Variants in USP6NL observed in about 807,000 individuals in gnomAD.
The protein encoded by USP6NL is USP6 N-terminal-like protein.
USP6NL carries 26 observed loss-of-function variants against 61.9 expected under a neutral mutation model. The observed-to-expected ratio is 0.42, with a 90% CI of 0.31 to 0.58. The LOEUF (loss-of-function observed/expected upper bound fraction) is 0.58. Among genes scored for constraint, USP6NL ranks in the 20% least tolerant of loss-of-function variants. The pLI, the probability that USP6NL is intolerant of heterozygous loss-of-function variation, is 0.16. For synonymous variants in USP6NL, 432 were observed against 390.1 expected, an observed-to-expected ratio of 1.11 and a Z score of -1.27; for missense variants, 1,114 against 1,034.3, an observed-to-expected ratio of 1.08 and a Z score of -1.06.
chr10:11,560,680 A>C (rs1343372751), intron 2 of USP6NL, among the ~76,000 whole-genome samples: 3 of 147,898 alleles, frequency 2.0e-5, no homozygotes, highest in Admixed American at 1.4e-4. Flanking sequence ...AAGAAGAAAA[A>C]AAAGGCCTCC....
chr10:11,551,948 C>A (rs1261456125), intron 2 of USP6NL, among the ~76,000 whole-genome samples: 4 of 152,164 alleles, frequency 2.6e-5, no homozygotes. Flanking sequence ...GGTTAGGTTA[C>A]AACTAAATTT....
rs537982405 is a variant in USP6NL, at chr10:11,482,485, C to A, written c.926-563G>T. Among the ~76,000 whole-genome samples the A allele has an allele frequency of 2.6e-5, 4 of 152,216 alleles. No homozygotes were observed. The highest frequency in any genetic ancestry group is 9.6e-5 in the African/African-American group (4 of 41,550). On this transcript the variant is annotated intron_variant, in intron 13 of 14. Coordinates refer to ENST00000609104, the MANE Select transcript of USP6NL (RefSeq NM_014688.5). The surrounding 1 kb of genome is among the most constrained non-coding windows in gnomAD (Gnocchi z 4.0). Reference sequence around the variant, plus strand: ...TTACATAATACCCTACATAATACACCTCATTACATAACACCCTACAGGTAG... The same window carrying A: ...TTACATAATACCCTACATAATACACATCATTACATAACACCCTACAGGTAG...
chr10:11,462,511 C>A lies in USP6NL; in HGVS notation c.2417G>T (p.Gly806Val). 6.2e-7 allele frequency: 1 copy of A among 1,613,946 alleles called. No individual in the cohort carries two copies. The highest frequency in any genetic ancestry group is 8.5e-7 in the Non-Finnish European group (1 of 1,179,892). The change falls in exon 15 of 15, where the codon GGG becomes GTG. Residue 806 changes from glycine to valine, a missense_variant. Gly to Val is a moderately radical substitution (Grantham distance 109). Coordinates refer to ENST00000609104, the MANE Select transcript of USP6NL (RefSeq NM_014688.5). ...GTAGTGGTAGGCTGGAGGCGGGGGCCCTGAATATGGATATCCAGATGGACT... is the reference window on the plus strand; with the variant it reads ...GTAGTGGTAGGCTGGAGGCGGGGGCACTGAATATGGATATCCAGATGGACT... ...DASPSGYPYS[G>V]PPPPAYHYRN...
Position 11,482,578 on chromosome 10 carries a change from C to T in USP6NL, c.926-656G>A, listed in dbSNP as rs1833243713. On this transcript the variant is annotated intron_variant, in intron 13 of 14. Transcript: ENST00000609104. The surrounding 1 kb of genome is among the most constrained non-coding windows in gnomAD (Gnocchi z 4.0). ...CCAAATTATACTTTTCAAGTTATTCCCCTTTTTGCTTTTTTCCCCATTCAC... is the reference window on the plus strand; with the variant it reads ...CCAAATTATACTTTTCAAGTTATTCTCCTTTTTGCTTTTTTCCCCATTCAC... 6.6e-6 allele frequency among the ~76,000 whole-genome samples: 1 copy of T among 152,062 alleles called. No homozygotes were observed. Among genetic ancestry groups the T allele is most frequent in the Non-Finnish European group, 1.5e-5 (1 of 67,994 alleles).
In USP6NL at chr10:11,489,179, A is replaced by G. The variant is rs1223480470; in HGVS notation, c.587T>C (p.Leu196Pro). ...CQGMSQITAL[L>P]LMYMNEEDAF... The stretch of plus-strand genomic sequence containing the variant: ...ATCTTCCTCGTTCATATACATGAGG[A>G]GTAAAGCTGTGATCTGGCTCATCCC... The change falls in exon 10 of 15, where the codon CTC becomes CCC. Residue 196 changes from leucine (L) to proline (P), a missense_variant. Transcript: ENST00000609104. This position sits in a 1 kb window ranked among gnomAD's most constrained non-coding sequence, Gnocchi z 5.7. 6.2e-7 allele frequency: 1 copy of G among 1,613,972 alleles called. No homozygotes were observed. Among genetic ancestry groups the G allele is most frequent in the Non-Finnish European group, 8.5e-7 (1 of 1,179,858 alleles).
chr10:11,516,918 A>G (rs905882392), intron 5 of USP6NL, among the ~76,000 whole-genome samples: 7 of 152,164 alleles, frequency 4.6e-5, no homozygotes, highest in African/African-American at 1.7e-4. Flanking sequence ...CCTGTGTCTG[A>G]TATTTCTTCT....
intron 7 of USP6NL, 141 bp downstream of exon 7, chr10:11,500,960 T>C (rs966079164): frequency 6.8e-6 from 4 of 584,086 alleles, no homozygotes; most frequent in Admixed American, 7.3e-5. Context: ...AGAAAACAAA[T>C]AGACCTCCAA....
rs1271384708 is a variant in USP6NL at position 11,470,095 on chromosome 10, T to G, written c.1079-6246A>C. ...GGAGGTAGTAACGCTGTGCCTCTCA[T>G]GAGGAGGAGAAGCAAGAAGGGGCGG... On this transcript the variant is annotated intron_variant, in intron 14 of 14. Coordinates refer to ENST00000609104, the MANE Select transcript of USP6NL (RefSeq NM_014688.5). This position sits in a 1 kb window ranked among gnomAD's most constrained non-coding sequence, Gnocchi z 5.4. 6.6e-6 allele frequency among the ~76,000 whole-genome samples: 1 copy of G among 151,788 alleles called. No individual in the cohort carries two copies. Among genetic ancestry groups the G allele is most frequent in the East Asian group, 1.9e-4 (1 of 5,178 alleles).
At chr10:11,570,377 G>A (rs1446973634) in intron 2 of USP6NL, among the ~76,000 whole-genome samples, 3 of 152,114 alleles carry the variant, frequency 2.0e-5, no homozygotes, top group East Asian at 1.9e-4. Flanking sequence ...TCATAATCTA[G>A]AGGAAAAGTA....
Position 11,518,639 on chromosome 10 carries a change from T to G in USP6NL, c.156-65A>C. 2 of 1,162,046 alleles carry G rather than the reference T, an allele frequency of 1.7e-6. No individual in the cohort carries two copies. The highest frequency in any genetic ancestry group is 2.5e-6 in the Non-Finnish European group (2 of 786,032). 72.0% of individuals were successfully genotyped at this position (1,162,046 alleles called of 1,614,324 possible). The stretch of plus-strand genomic sequence containing the variant: ...CAAAACAAACTTTTAAAAGCTTATA[T>G]ACTTATAGATACATATGACATACAA... On this transcript the variant is annotated intron_variant, in intron 4 of 14. Coordinates refer to ENST00000609104, the MANE Select transcript of USP6NL (RefSeq NM_014688.5). The surrounding 1 kb of genome is among the most constrained non-coding windows in gnomAD (Gnocchi z 5.3).
At chr10:11,581,293 T>C (rs1306978113) in intron 2 of USP6NL, among the ~76,000 whole-genome samples, 1 of 152,258 alleles carries the variant, frequency 6.6e-6, no homozygotes, top group Non-Finnish European at 1.5e-5. Flanking sequence ...AGTGAGGTAC[T>C]ATTATGCATA....
At chr10:11,504,211 T>C (rs1566141980) in intron 6 of USP6NL, among the ~76,000 whole-genome samples, 1 of 152,200 alleles carries the variant, frequency 6.6e-6, no homozygotes, top group Non-Finnish European at 1.5e-5. Context: ...ACAGACTAAC[T>C]TATTACAGTT....
At chr10:11,583,689 T>C (rs1174681918) in intron 2 of USP6NL, among the ~76,000 whole-genome samples, 4 of 152,082 alleles carry the variant, frequency 2.6e-5, no homozygotes, top group African/African-American at 9.7e-5. Context: ...CTGGACCTAC[T>C]CTAGATTCCA....
rs995975749 is a variant in USP6NL at position 11,598,413 on chromosome 10, T to A, written c.-83-696A>T. On this transcript the variant is annotated intron_variant, in intron 1 of 14. Transcript: ENST00000609104. This position sits in a 1 kb window ranked among gnomAD's most constrained non-coding sequence, Gnocchi z 4.7. ...TAAGAGCATAACATAAAACATCAAC[T>A]TGTGTTAGTATTAATACAAACTTAA... Among the ~76,000 whole-genome samples the A allele has an allele frequency of 1.3e-5, 2 of 152,174 alleles. No individual in the cohort carries two copies. The highest frequency in any genetic ancestry group is 1.3e-4 in the Admixed American group (2 of 15,280).
At chr10:11,571,802 T>C (rs1837373182) in intron 2 of USP6NL, among the ~76,000 whole-genome samples, 1 of 151,306 alleles carries the variant, frequency 6.6e-6, no homozygotes, top group Non-Finnish European at 1.5e-5. Flanking sequence ...TGAAGAACAC[T>C]ATTAGAAGAG....
At chr10:11,498,130 G>A (rs891390988) in intron 7 of USP6NL, among the ~76,000 whole-genome samples, 2 of 149,312 alleles carry the variant, frequency 1.3e-5, no homozygotes, top group Admixed American at 1.4e-4. Flanking sequence ...CCAGCTACTC[G>A]GTAGGCTGAA....
intron 2 of USP6NL, among the ~76,000 whole-genome samples, chr10:11,582,163 G>C (rs1466448136): frequency 6.6e-6 from 1 of 152,132 alleles, no homozygotes; most frequent in Non-Finnish European, 1.5e-5. Context: ...ACGGGGTTTC[G>C]CCATGTTGGG....
rs1836674478 is a variant in USP6NL, at chr10:11,555,471, A to AAAGAG, written c.5-27905_5-27904insCTCTT. ...ATATATAGAGAGAGAGAGAGAGAGA[A>AAAGAG]AGAGAGAGAGAGAGAGAGAGAGAAG... On this transcript the variant is annotated intron_variant, in intron 2 of 14. Coordinates refer to ENST00000609104, the MANE Select transcript of USP6NL (RefSeq NM_014688.5). 4.7e-3 allele frequency among the ~76,000 whole-genome samples: 294 copies of AAAGAG among 62,066 alleles called. 11 individuals are homozygous for AAAGAG. Among genetic ancestry groups the AAAGAG allele is most frequent in the African/African-American group, 0.02 (275 of 13,938 alleles). The allele number at this position is 62,066 out of a possible 152,430, so 40.7% of individuals were successfully genotyped here.
At chr10:11,565,037 AT>A (rs1183816708) in intron 2 of USP6NL, 5 of 152,212 alleles carry the variant, frequency 3.3e-5, no homozygotes, top group African/African-American at 4.8e-5. Flanking sequence ...TACACCACAG[AT>A]AGTCATCATT....
Sources: allele counts gnomAD v4.1 joint callset (sites outside exome capture counted in the v4.1 genomes callset), GRCh38; gene constraint gnomAD v4.1.1; non-coding constraint Gnocchi (gnomAD v3.1); transcripts MANE v1.5; gene names NCBI Gene and HGNC (gene_info 2026-07-23, HGNC 2026-07-21).